Variants in TRIM27 observed in about 807,000 individuals in gnomAD.
TRIM27 encodes the protein zinc finger protein RFP.
In TRIM27, 12 loss-of-function variants were observed where a neutral mutation model predicts 57.6. The ratio of observed to expected loss-of-function variants is 0.21; its 90% CI spans 0.13 to 0.34. The LOEUF (loss-of-function observed/expected upper bound fraction) is 0.34. Ranked by LOEUF, TRIM27 falls within the 10% of genes least tolerant of loss-of-function variation. The probability of loss-of-function intolerance (pLI) is 1.00; values close to 1 mark genes in which losing one functional copy is unlikely to be tolerated. For missense variants in TRIM27, 403 were observed against 656.8 expected, an observed-to-expected ratio of 0.61 and a Z score of 4.22; for synonymous variants, 266 against 259.0, an observed-to-expected ratio of 1.03 and a Z score of -0.26.
intron 2 of TRIM27, among the ~76,000 whole-genome samples, chr6:28,921,155 C>T (rs987684027): frequency 9.2e-5 from 14 of 151,972 alleles, no homozygotes; most frequent in Non-Finnish European, 1.5e-4. Context: ...CTGAGGTGGG[C>T]GGATCACCTG....
rs1772572022 is a variant in TRIM27, at chr6:28,903,879, A to C, written c.*191T>G. ...TTTTATTTCTAGGATATCTTGATAC[A>C]TCTCATTACATTTCACAATCTGCAT... On this transcript the variant is annotated 3_prime_UTR_variant, in exon 8 of 8. Transcript: ENST00000377199. The C allele has an allele frequency of 1.7e-6, 1 of 592,190 alleles. No individual in the cohort carries two copies. Among genetic ancestry groups the C allele is most frequent in the Non-Finnish European group, 3.0e-6 (1 of 329,922 alleles). The allele number at this position is 592,190 out of a possible 1,614,324, so 36.7% of individuals were successfully genotyped here.
At chr6:28,907,565 T>C in intron 6 of TRIM27, 2 of 638,984 alleles carry the variant, frequency 3.1e-6, no homozygotes, top group Non-Finnish European at 6.0e-6. Flanking sequence ...CAGCTGATTC[T>C]GCAGAGGGAA....
At chr6:28,913,169 C>T (rs1044233571) in intron 3 of TRIM27, among the ~76,000 whole-genome samples, 52 of 151,166 alleles carry the variant, frequency 3.4e-4, no homozygotes, top group African/African-American at 1.1e-3. Context: ...GCAGGAGAAT[C>T]GCTTGAACCC....
At chr6:28,906,221 A>T (rs1051139258) in intron 7 of TRIM27, 9 of 151,984 alleles carry the variant, frequency 5.9e-5, no homozygotes, top group African/African-American at 1.2e-4. Flanking sequence ...TAAAAAATTT[A>T]AAAAATTAAA....
chr6:28,923,434 G>A lies in TRIM27; in HGVS notation c.199C>T (p.Pro67Ser), dbSNP rs1774213768. 1 of 1,612,116 alleles carries A rather than the reference G, an allele frequency of 6.2e-7. No individual in the cohort carries two copies. The highest frequency in any genetic ancestry group is 2.2e-5 in the East Asian group (1 of 44,848). ...GTCACGTTGGCCAGGTGCCGGTTGG[G>A]CCGCATGTGCCTCTGCGGGAAGGTC... ...RETFPQRHMR[P>S]NRHLANVTQL... Residue 67 changes from proline to serine, a missense_variant, in exon 1 of 8, where the codon CCC becomes TCC. Coordinates refer to ENST00000377199, the MANE Select transcript of TRIM27 (RefSeq NM_006510.5).
Position 28,911,433 on chromosome 6 carries a change from G to A in TRIM27, c.770+263C>T, listed in dbSNP as rs1230091873. The A allele has an allele frequency of 9.3e-6, 4 of 431,062 alleles. No individual in the cohort carries two copies. The East Asian group carries it at 1.1e-4, about 11-fold the overall frequency. 26.7% of individuals were successfully genotyped at this position (431,062 alleles called of 1,614,324 possible). On this transcript the variant is annotated intron_variant, in intron 4 of 7. Transcript: ENST00000377199. ...ACCCTTATATTCAGCCCAGGTCCCT[G>A]TAAGGCCACACCCTCTCCATGGAAG...
At chr6:28,918,519 C>T (rs902380720) in intron 3 of TRIM27, among the ~76,000 whole-genome samples, 2 of 151,960 alleles carry the variant, frequency 1.3e-5, no homozygotes, top group Non-Finnish European at 2.9e-5. Flanking sequence ...CTTCTTGCTT[C>T]GTCTCAAAAA....
chr6:28,907,679 A>G, intron 6 of TRIM27: 1 of 465,336 alleles, frequency 2.1e-6, no homozygotes, highest in Admixed American at 2.9e-5. Flanking sequence ...TCTGGGGTAA[A>G]CATGACCATT....
chr6:28,919,048 C>G (rs1052667262), intron 3 of TRIM27, among the ~76,000 whole-genome samples: 1 of 151,806 alleles, frequency 6.6e-6, no homozygotes, highest in East Asian at 1.9e-4. Context: ...GAGTCTCGCT[C>G]TGTTGCCCAG....
At chr6:28,920,902 T>A (rs1159511347) in intron 2 of TRIM27, among the ~76,000 whole-genome samples, 1 of 152,130 alleles carries the variant, frequency 6.6e-6, no homozygotes, top group Non-Finnish European at 1.5e-5. Context: ...TCATATGTAA[T>A]CCATACCCGC....
At chr6:28,914,581 T>TGGGGGGGGGGGGGGG (rs9280508) in intron 3 of TRIM27, among the ~76,000 whole-genome samples, 1 of 38,944 alleles carries the variant, frequency 2.6e-5, no homozygotes, top group African/African-American at 9.0e-5. Context: ...ATTGCAAGGG[T>TGGGGGGGGGGGGGGG]GGGGGGGGGG....
At chr6:28,907,301 G>T in intron 6 of TRIM27, 39 bp from the exon 7 acceptor site, 1 of 1,601,874 alleles carries the variant, frequency 6.2e-7, no homozygotes, top group Non-Finnish European at 8.5e-7. Context: ...AAGTCATGAG[G>T]GTTTCCAGGA....
rs191412964 is a variant in TRIM27 at position 28,917,867 on chromosome 6, C to G, written c.747+2145G>C. On this transcript the variant is annotated intron_variant, in intron 3 of 7. Coordinates refer to ENST00000377199, the MANE Select transcript of TRIM27 (RefSeq NM_006510.5). Reference sequence around the variant, plus strand: ...TTTGGAGACAGGGTTTCGCTCATTGCCCAGGCTGGAATGCAATGGCGCAAT... The same window carrying G: ...TTTGGAGACAGGGTTTCGCTCATTGGCCAGGCTGGAATGCAATGGCGCAAT... Among the ~76,000 whole-genome samples, 336 of 151,250 alleles carry G rather than the reference C, an allele frequency of 2.2e-3. 1 individual carries two copies. The highest frequency in any genetic ancestry group is 0.014 in the South Asian group (67 of 4,776).
intron 3 of TRIM27, among the ~76,000 whole-genome samples, chr6:28,914,403 G>A (rs1581503374): frequency 6.6e-6 from 1 of 151,640 alleles, no homozygotes; most frequent in Non-Finnish European, 1.5e-5. Flanking sequence ...CCAAAGTACT[G>A]GGATTACAGG....
In TRIM27 at chr6:28,904,973, T is replaced by C; in HGVS notation, c.947-308A>G. 5.4e-6 allele frequency: 2 copies of C among 371,570 alleles called. No individual in the cohort carries two copies. Among genetic ancestry groups the C allele is most frequent in the Non-Finnish European group, 9.8e-6 (2 of 205,062 alleles). 23.0% of individuals were successfully genotyped at this position (371,570 alleles called of 1,614,324 possible). A position where few individuals can be genotyped will look rare whatever the true frequency, so the allele number is the denominator to read the frequency against. On this transcript the variant is annotated intron_variant, in intron 7 of 7. Transcript: ENST00000377199. This position sits in a 1 kb window ranked among gnomAD's most constrained non-coding sequence, Gnocchi z 6.1. ...TGTTGCCTAGGCTGGAGCGCAGTGG[T>C]GTGGTCATAGTTCATTGTAACCCCA... is the stretch of plus-strand genomic sequence containing the variant.
At chr6:28,923,114 C>G in intron 1 of TRIM27, 99 bp downstream of exon 1, 1 of 1,326,732 alleles carries the variant, frequency 7.5e-7, no homozygotes, top group East Asian at 2.5e-5. Context: ...ACCACACGTC[C>G]GGCTCAGCCA....
chr6:28,919,942 A>G, intron 3 of TRIM27, 70 bp downstream of exon 3: 3 of 1,434,442 alleles, frequency 2.1e-6, no homozygotes, highest in Non-Finnish European at 1.9e-6. Flanking sequence ...GGTCCTGGAT[A>G]CTACTTGGCA....
In TRIM27 at chr6:28,904,026, C is replaced by A. The variant is rs368867680; in HGVS notation, c.*44G>T. 6.5e-7 allele frequency: 1 copy of A among 1,531,380 alleles called. No homozygotes were observed. The highest frequency in any genetic ancestry group is 8.9e-7 in the Non-Finnish European group (1 of 1,117,886). The allele number at this position is 1,531,380 out of a possible 1,614,324, so 94.9% of individuals were successfully genotyped here. On this transcript the variant is annotated 3_prime_UTR_variant, in exon 8 of 8. Transcript: ENST00000377199. This position sits in a 1 kb window ranked among gnomAD's most constrained non-coding sequence, Gnocchi z 6.1. The stretch of plus-strand genomic sequence containing the variant: ...AGGCAACAAGATGCCTTGTGCCTGG[C>A]GTAGGATTACAGCCAACAGCCCTTT...
chr6:28,911,520 A>G, intron 4 of TRIM27, 176 bp downstream of exon 4: 1 of 626,536 alleles, frequency 1.6e-6, no homozygotes, highest in Admixed American at 3.3e-5. Context: ...CCTGAATTTT[A>G]CTGAGTAGAG....
Sources: allele counts gnomAD v4.1 joint callset (sites outside exome capture counted in the v4.1 genomes callset), GRCh38; gene constraint gnomAD v4.1.1; non-coding constraint Gnocchi (gnomAD v3.1); transcripts MANE v1.5; gene names NCBI Gene and HGNC (gene_info 2026-07-23, HGNC 2026-07-21).